Variants in NEDD9 observed in about 807,000 individuals in gnomAD.
NEDD9 encodes the protein neural precursor cell expressed, developmentally down-regulated 9, also known as enhancer of filamentation 1.
Under a neutral mutation model 76.6 loss-of-function variants are expected in NEDD9, and 26 were observed. The ratio of observed to expected loss-of-function variants is 0.34; its 90% CI spans 0.25 to 0.47. NEDD9 has a LOEUF of 0.47. Ranked by LOEUF, NEDD9 falls within the 20% of genes least tolerant of loss-of-function variation. The pLI, the probability that NEDD9 is intolerant of heterozygous loss-of-function variation, is 1.00. For missense variants in NEDD9, 937 were observed against 1,058.5 expected (o/e 0.89, Z 1.59); for synonymous variants, 392 against 414.2 (o/e 0.95, Z 0.65).
chr6:11,352,481 A>G (rs1300684849), intron 1 of NEDD9: 5 of 152,130 alleles, frequency 3.3e-5, no homozygotes, highest in Non-Finnish European at 5.9e-5. Flanking sequence ...AAGCATAATC[A>G]TTTGGTTTCT....
chr6:11,377,228 C>A (rs1033305247), intron 1 of NEDD9, among the ~76,000 whole-genome samples: 1 of 152,226 alleles, frequency 6.6e-6, no homozygotes, highest in Non-Finnish European at 1.5e-5. Context: ...CAGGGCACTA[C>A]CTAGTGGAGC....
chr6:11,320,582 T>C (rs1761773479), intron 2 of NEDD9, among the ~76,000 whole-genome samples: 1 of 152,188 alleles, frequency 6.6e-6, no homozygotes, highest in South Asian at 2.1e-4. Context: ...CAGGAAGACA[T>C]AGTGCAGGGC....
chr6:11,217,836 G>C (rs1033933143), intron 1 of NEDD9, among the ~76,000 whole-genome samples: 2 of 152,290 alleles, frequency 1.3e-5, no homozygotes, highest in African/African-American at 4.8e-5. Context: ...CTATCTGAGG[G>C]AACCCTGATT....
intron 2 of NEDD9, among the ~76,000 whole-genome samples, chr6:11,212,926 A>T (rs374146002): frequency 6.6e-6 from 1 of 152,182 alleles, no homozygotes; most frequent in Non-Finnish European, 1.5e-5. Flanking sequence ...TGTTTGTTCC[A>T]CTCAATGAAG....
At chr6:11,276,633 T>A (rs1348729943) in intron 3 of NEDD9, among the ~76,000 whole-genome samples, 1 of 152,182 alleles carries the variant, frequency 6.6e-6, no homozygotes, top group African/African-American at 2.4e-5. Context: ...GGATTTTTTT[T>A]AACTTCAAAC....
intron 1 of NEDD9, among the ~76,000 whole-genome samples, chr6:11,353,082 C>T (rs1337568676): frequency 6.6e-6 from 1 of 152,216 alleles, no homozygotes; most frequent in Non-Finnish European, 1.5e-5. Context: ...TGTCGGGGTC[C>T]CAGGCTCTTT....
intron 1 of NEDD9, among the ~76,000 whole-genome samples, chr6:11,220,467 C>T (rs182035947): frequency 2.2e-4 from 34 of 152,262 alleles, no homozygotes; most frequent in Non-Finnish European, 4.4e-4. Flanking sequence ...ACTTGCCTCC[C>T]GAAGGTACTC....
chr6:11,348,549 A>G (rs1188291444), intron 1 of NEDD9, among the ~76,000 whole-genome samples: 1 of 152,228 alleles, frequency 6.6e-6, no homozygotes, highest in African/African-American at 2.4e-5. Context: ...GGGCTACAGT[A>G]ACCAAAACAG....
intron 1 of NEDD9, among the ~76,000 whole-genome samples, chr6:11,377,259 C>T (rs1762983862): frequency 6.6e-6 from 1 of 152,214 alleles, no homozygotes; most frequent in Admixed American, 6.5e-5. Flanking sequence ...GGGCTGCCAC[C>T]CTCTAGAACC....
intron 1 of NEDD9, among the ~76,000 whole-genome samples, chr6:11,218,942 C>A (rs756866958): frequency 1.3e-5 from 2 of 152,154 alleles, no homozygotes; most frequent in African/African-American, 2.4e-5. Flanking sequence ...AGGAACTGAC[C>A]ATCCCAGTGA....
In NEDD9 at chr6:11,213,720, A is replaced by G. The variant is rs1057442252; in HGVS notation, c.20T>C (p.Met7Thr). Residue 7 changes from methionine (M) to threonine (T), a missense_variant, in exon 2 of 7, where the codon ATG becomes ACG. Transcript: ENST00000379446. The surrounding 1 kb of genome is among the most constrained non-coding windows in gnomAD (Gnocchi z 5.4). Reference protein sequence around the residue: MKYKNLMARALYDNVPE... With the variant: MKYKNLTARALYDNVPE... ...GACATTGTCATATAAGGCCCTTGCCATAAGATTCTAGGAGGGAAGGAAGAG... is the reference window on the plus strand; with the variant it reads ...GACATTGTCATATAAGGCCCTTGCCGTAAGATTCTAGGAGGGAAGGAAGAG... 1.2e-6 allele frequency: 2 copies of G among 1,613,846 alleles called. No individual in the cohort carries two copies. Among genetic ancestry groups the G allele is most frequent in the Non-Finnish European group, 1.7e-6 (2 of 1,179,766 alleles).
At position 11,184,951 on chromosome 6, in the gene NEDD9, A is replaced by G. The variant is rs1911; in HGVS notation, c.*211T>C. ...TACAGTTTATGTCTCAGATACTTCT[A>G]TGTATACATAAGAACCACTCAGGGG... On this transcript the variant is annotated 3_prime_UTR_variant, in exon 7 of 7. Coordinates refer to ENST00000379446, the MANE Select transcript of NEDD9 (RefSeq NM_006403.4). 0.16 allele frequency: 89,935 copies of G among 546,008 alleles called. 8,775 individuals are homozygous for G. The highest frequency in any genetic ancestry group is 0.32 in the East Asian group (10,003 of 31,256). 33.8% of individuals were successfully genotyped at this position (546,008 alleles called of 1,614,324 possible). A position where few individuals can be genotyped will look rare whatever the true frequency, so the allele number is the denominator to read the frequency against.
chr6:11,189,681 T>A (rs1327455206), intron 5 of NEDD9, among the ~76,000 whole-genome samples: 1 of 152,148 alleles, frequency 6.6e-6, no homozygotes, highest in Non-Finnish European at 1.5e-5. Flanking sequence ...TCCAACCCCT[T>A]ACCCCATTCA....
At chr6:11,345,984 T>C (rs1762357548) in intron 1 of NEDD9, among the ~76,000 whole-genome samples, 1 of 152,224 alleles carries the variant, frequency 6.6e-6, no homozygotes, top group South Asian at 2.1e-4. Flanking sequence ...CCAGGTACTC[T>C]GCCCCCAGGA....
chr6:11,270,301 T>C (rs1427211925), intron 3 of NEDD9, among the ~76,000 whole-genome samples: 1 of 152,072 alleles, frequency 6.6e-6, no homozygotes, highest in East Asian at 1.9e-4. Flanking sequence ...TTAACTGTAA[T>C]TAAAGGGAGC....
At chr6:11,255,549 A>T (rs1395465620) in intron 3 of NEDD9, among the ~76,000 whole-genome samples, 1 of 152,066 alleles carries the variant, frequency 6.6e-6, no homozygotes, top group African/African-American at 2.4e-5. Flanking sequence ...GGTAGCTGAA[A>T]CAGCATGTGT....
intron 1 of NEDD9, among the ~76,000 whole-genome samples, chr6:11,368,211 C>A (rs1382542973): frequency 1.3e-5 from 2 of 152,094 alleles, no homozygotes; most frequent in African/African-American, 4.8e-5. Flanking sequence ...CCCAGAAACC[C>A]AAACAGATGG....
chr6:11,373,876 A>G (rs1317932119), intron 1 of NEDD9, among the ~76,000 whole-genome samples: 1 of 152,198 alleles, frequency 6.6e-6, no homozygotes, highest in Non-Finnish European at 1.5e-5. Context: ...GAAGGCCTTA[A>G]TAGAAAAAAG....
At chr6:11,256,028 C>G (rs773514348) in intron 3 of NEDD9, among the ~76,000 whole-genome samples, 16 of 152,172 alleles carry the variant, frequency 1.1e-4, no homozygotes, top group Non-Finnish European at 2.1e-4. Flanking sequence ...CACAGAGCAT[C>G]TGGGTCTTGG....
Sources: gnomAD v4.1 joint callset for allele counts (sites outside exome capture counted in the v4.1 genomes callset) on GRCh38, gnomAD v4.1.1 for gene constraint, Gnocchi (gnomAD v3.1) non-coding constraint, MANE v1.5 for transcripts, NCBI Gene and HGNC (gene_info 2026-07-23, HGNC 2026-07-21) for gene names.